GABRP: variants seen among roughly 807,000 people sequenced by gnomAD.
The protein encoded by GABRP is gamma-aminobutyric acid receptor subunit pi.
In GABRP, 52 loss-of-function variants were observed where a neutral mutation model predicts 47.8. The observed-to-expected ratio is 1.09, with a 90% CI of 0.87 to 1.37. GABRP has a LOEUF of 1.37. GABRP is among the 40% of genes most tolerant of loss of function. GABRP has a pLI of 0.00. For synonymous variants in GABRP, 221 were observed against 205.8 expected, an observed-to-expected ratio of 1.07 and a Z score of -0.63; for missense variants, 525 against 542.8, an observed-to-expected ratio of 0.97 and a Z score of 0.33.
intron 6 of GABRP, 132 bp from the exon 7 acceptor site, chr5:170,805,584 C>T (rs1341874086): frequency 4.0e-6 from 4 of 1,001,244 alleles, no homozygotes; most frequent in East Asian, 2.6e-5. Flanking sequence ...CTAAGTTCTG[C>T]ATGGGATTGT....
At chr5:170,792,683 C>A (rs1765307655) in intron 3 of GABRP, among the ~76,000 whole-genome samples, 6 of 152,166 alleles carry the variant, frequency 3.9e-5, no homozygotes, top group African/African-American at 1.4e-4. Context: ...CGCCCTTTCC[C>A]ACCAGATATT....
intron 1 of GABRP, among the ~76,000 whole-genome samples, chr5:170,785,061 C>T (rs1765093331): frequency 6.6e-6 from 1 of 152,242 alleles, no homozygotes; most frequent in Admixed American, 6.5e-5. Context: ...TGTACCAGAA[C>T]TGGTGGCCTG....
At chr5:170,806,925 ATTTAC>A (rs951011329) in intron 7 of GABRP, among the ~76,000 whole-genome samples, 14 of 151,044 alleles carry the variant, frequency 9.3e-5, no homozygotes, top group African/African-American at 3.4e-4. Flanking sequence ...TCTTTTATCT[ATTTAC>A]TTATTATTTT....
At chr5:170,805,162 T>C (rs1471203431) in intron 6 of GABRP, among the ~76,000 whole-genome samples, 1 of 151,778 alleles carries the variant, frequency 6.6e-6, no homozygotes, top group Non-Finnish European at 1.5e-5. Flanking sequence ...TGACATAATG[T>C]ATAAAGTACT....
chr5:170,791,307 T>G (rs78624780), intron 3 of GABRP, among the ~76,000 whole-genome samples: 7,945 of 152,280 alleles, frequency 0.052, 662 homozygotes, highest in African/African-American at 0.18. Flanking sequence ...GTTTTGTGCC[T>G]CTTGGCACTT....
chr5:170,802,975 C>G (rs1352202373), intron 6 of GABRP, among the ~76,000 whole-genome samples: 1 of 152,144 alleles, frequency 6.6e-6, no homozygotes, highest in Non-Finnish European at 1.5e-5. Context: ...CCTTATTCAC[C>G]CAGGGACAGA....
chr5:170,794,380 A>C, intron 4 of GABRP, 82 bp downstream of exon 4: 2 of 591,378 alleles, frequency 3.4e-6, no homozygotes, highest in Non-Finnish European at 5.6e-6. Context: ...CCGCTCAAAA[A>C]AAAAAAAAAA....
At chr5:170,806,043 T>A (rs1765727288) in intron 7 of GABRP, among the ~76,000 whole-genome samples, 190 bp downstream of exon 7, 1 of 152,174 alleles carries the variant, frequency 6.6e-6, no homozygotes, top group South Asian at 2.1e-4. Context: ...GGAACAGACC[T>A]CTGGACCAGC....
chr5:170,796,117 G>A (rs1473593729), intron 5 of GABRP, among the ~76,000 whole-genome samples: 1 of 152,204 alleles, frequency 6.6e-6, no homozygotes, highest in Non-Finnish European at 1.5e-5. Context: ...CAGAGGCCTT[G>A]GGGAGGAGGC....
At position 170,791,725 on chromosome 5, in the gene GABRP, C is replaced by T. The variant is rs556590084; in HGVS notation, c.172+2478C>T. Among the ~76,000 whole-genome samples, 9 of 152,304 alleles carry T rather than the reference C, an allele frequency of 5.9e-5. No homozygotes were observed. The East Asian group carries it at 9.6e-4, about 16-fold the overall frequency. On this transcript the variant is annotated intron_variant, in intron 3 of 9. Transcript: ENST00000265294. ...CATTCTTCAGGGAGGGCAACTAACA[C>T]GGATCTATGGCACTTAAAGTAGATG...
At chr5:170,783,285 A>G (rs1463821930), upstream of GABRP, among the ~76,000 whole-genome samples, 2 of 152,158 alleles carry the variant, frequency 1.3e-5, no homozygotes, top group Non-Finnish European at 2.9e-5. Context: ...GATCCCAAAG[A>G]TGCTCTTAAA....
At chr5:170,784,795 T>G (rs576145697) in intron 1 of GABRP, among the ~76,000 whole-genome samples, 1 of 152,294 alleles carries the variant, frequency 6.6e-6, no homozygotes, top group South Asian at 2.1e-4. Context: ...ATGACTCGGG[T>G]GTATCAGGAT....
intron 3 of GABRP, 50 bp downstream of exon 3, chr5:170,789,297 G>C (rs756034235): frequency 1.6e-6 from 2 of 1,228,694 alleles, no homozygotes; most frequent in Admixed American, 3.8e-5. Flanking sequence ...CGAAAACAGA[G>C]ACAATAAGCA....
intron 6 of GABRP, among the ~76,000 whole-genome samples, chr5:170,802,305 G>A (rs1374896240): frequency 2.0e-5 from 3 of 152,220 alleles, no homozygotes; most frequent in Non-Finnish European, 4.4e-5. Flanking sequence ...AGGCATCAAG[G>A]TGGGGCTTGT....
At chr5:170,805,514 A>G (rs1765708002) in intron 6 of GABRP, among the ~76,000 whole-genome samples, 1 of 152,218 alleles carries the variant, frequency 6.6e-6, no homozygotes, top group East Asian at 1.9e-4. Flanking sequence ...TTGACGGCAA[A>G]TCGTCCTGGC....
chr5:170,786,221 A>C (rs1018775213), intron 1 of GABRP, among the ~76,000 whole-genome samples: 1 of 152,172 alleles, frequency 6.6e-6, no homozygotes, highest in African/African-American at 2.4e-5. Context: ...CCTTAAACTC[A>C]ATGCTTGGAC....
chr5:170,809,488 T>G, intron 8 of GABRP, 80 bp from the exon 9 acceptor site: 8 of 1,431,490 alleles, frequency 5.6e-6, no homozygotes, highest in Non-Finnish European at 7.8e-6. Context: ...CTGCCAATTC[T>G]CAAATGGGGA....
chr5:170,786,968 T>TG lies in GABRP; in HGVS notation c.-42-1598dup, dbSNP rs202192134. 7.1e-3 allele frequency among the ~76,000 whole-genome samples: 1,081 copies of TG among 151,690 alleles called. 14 individuals carry two copies. Among genetic ancestry groups the TG allele is most frequent in the African/African-American group, 0.024 (992 of 41,342 alleles). ...GAAGTATGAGACAAAAGAGAAGAAA[T>TG]GGGGGGGGACTTTTTTGTTTTTGTT... On this transcript the variant is annotated intron_variant, in intron 1 of 9. Transcript: ENST00000265294.
At chr5:170,788,352 AAAAT>A in intron 1 of GABRP, 1 of 385,448 alleles carries the variant, frequency 2.6e-6, no homozygotes, top group Admixed American at 4.3e-5. Flanking sequence ...CTGTTTAAAA[AAAAT>A]AAAAAATTAA....
Sources: allele counts gnomAD v4.1 joint callset (sites outside exome capture counted in the v4.1 genomes callset), GRCh38; gene constraint gnomAD v4.1.1; transcripts MANE v1.5; gene names NCBI Gene and HGNC (gene_info 2026-07-23, HGNC 2026-07-21).